The following MAGI2 variants were observed in gnomAD, a reference collection of about 807,000 sequenced individuals.
MAGI2 encodes membrane-associated guanylate kinase, WW and PDZ domain-containing protein 2.
MAGI2 carries 35 observed loss-of-function variants against 133.3 expected under a neutral mutation model. That is an observed-to-expected ratio of 0.26 (90% CI 0.20 to 0.35). The LOEUF (loss-of-function observed/expected upper bound fraction) is 0.35, where lower values mean the gene tolerates loss of function less well. MAGI2 is among the 10% of genes least tolerant of loss of function. The pLI is 1.00. For missense variants in MAGI2, 1,636 were observed against 1,863.4 expected, an observed-to-expected ratio of 0.88 and a Z score of 2.25; for synonymous variants, 729 against 710.6, an observed-to-expected ratio of 1.03 and a Z score of -0.41.
At chr7:78,955,073 GA>G (rs1273571518) in intron 2 of MAGI2, among the ~76,000 whole-genome samples, 4 of 151,400 alleles carry the variant, frequency 2.6e-5, no homozygotes, top group Admixed American at 1.3e-4. Context: ...ATGTTCAAAA[GA>G]AAAAAAATAC....
At chr7:79,438,719 T>C (rs906641624) in intron 1 of MAGI2, among the ~76,000 whole-genome samples, 7 of 152,060 alleles carry the variant, frequency 4.6e-5, no homozygotes, top group African/African-American at 9.7e-5. Context: ...TTCTTAAATA[T>C]GTTTCAAGCT....
chr7:78,294,643 T>G (rs537582098), intron 9 of MAGI2, among the ~76,000 whole-genome samples: 5 of 151,356 alleles, frequency 3.3e-5, no homozygotes, highest in Admixed American at 2.0e-4. Flanking sequence ...AGTAGTGCAC[T>G]ATCTATCTTG....
chr7:78,358,347 C>A (rs1179560117), intron 7 of MAGI2: 1 of 151,634 alleles, frequency 6.6e-6, no homozygotes, highest in Non-Finnish European at 1.5e-5. Flanking sequence ...GGCCACCCGG[C>A]AGCCATCTTG....
chr7:79,384,427 T>A (rs1196982553), intron 1 of MAGI2, among the ~76,000 whole-genome samples: 1 of 148,730 alleles, frequency 6.7e-6, no homozygotes, highest in African/African-American at 2.5e-5. Flanking sequence ...TGGGATATAC[T>A]TTTATAAAAG....
intron 1 of MAGI2, among the ~76,000 whole-genome samples, chr7:79,447,673 G>C (rs1848956789): frequency 6.6e-6 from 1 of 151,570 alleles, no homozygotes; most frequent in African/African-American, 2.4e-5. Flanking sequence ...TAGTACTATA[G>C]TACGTTAATA....
At chr7:79,365,975 G>T (rs556531756) in intron 1 of MAGI2, among the ~76,000 whole-genome samples, 1 of 151,220 alleles carries the variant, frequency 6.6e-6, no homozygotes, top group South Asian at 2.1e-4. Context: ...TGGTGCGATG[G>T]CTCAGGCCTT....
At chr7:78,764,256 A>G (rs537649370) in intron 2 of MAGI2, among the ~76,000 whole-genome samples, 4 of 152,172 alleles carry the variant, frequency 2.6e-5, no homozygotes, top group East Asian at 3.9e-4. Context: ...AGTGATCAAT[A>G]TTGCTAAAAC....
At chr7:78,876,204 T>A (rs895055953) in intron 2 of MAGI2, among the ~76,000 whole-genome samples, 9 of 150,910 alleles carry the variant, frequency 6.0e-5, no homozygotes, top group African/African-American at 2.0e-4. Flanking sequence ...GCACCTGTAA[T>A]CCCAGCTACT....
intron 2 of MAGI2, among the ~76,000 whole-genome samples, chr7:78,857,273 T>G (rs145932118): frequency 0.013 from 2,035 of 152,068 alleles, 30 homozygotes; most frequent in Middle Eastern, 0.027. Context: ...GCCCTGGCCA[T>G]AACTTCCAAC....
At chr7:78,874,964 T>A (rs191712662) in intron 2 of MAGI2, among the ~76,000 whole-genome samples, 215 of 152,030 alleles carry the variant, frequency 1.4e-3, no homozygotes, top group African/African-American at 4.7e-3. Flanking sequence ...CAAGCAGAAA[T>A]CAGAGATTTA....
intron 2 of MAGI2, among the ~76,000 whole-genome samples, chr7:78,903,342 C>T (rs1466212441): frequency 6.6e-6 from 1 of 151,648 alleles, no homozygotes; most frequent in Non-Finnish European, 1.5e-5. Context: ...TACAGGCGCC[C>T]GCTACCACGC....
intron 2 of MAGI2, among the ~76,000 whole-genome samples, chr7:78,646,480 TCTC>T (rs1290273827): frequency 2.6e-5 from 4 of 152,196 alleles, no homozygotes; most frequent in Admixed American, 2.0e-4. Context: ...GCATGTTTTC[TCTC>T]CTACCAGTGA....
intron 1 of MAGI2, among the ~76,000 whole-genome samples, chr7:79,355,258 C>T (rs1255965112): frequency 6.6e-6 from 1 of 152,030 alleles, no homozygotes; most frequent in Non-Finnish European, 1.5e-5. Flanking sequence ...CCCTGGGGAG[C>T]AAGGCTATGA....
chr7:78,594,737 T>A (rs1804417489), intron 3 of MAGI2, among the ~76,000 whole-genome samples: 1 of 152,180 alleles, frequency 6.6e-6, no homozygotes, highest in Admixed American at 6.5e-5. Flanking sequence ...ATTACAGGTG[T>A]GAGCCACTAC....
At chr7:78,088,524 T>G (rs991034063) in intron 20 of MAGI2, among the ~76,000 whole-genome samples, 5 of 152,176 alleles carry the variant, frequency 3.3e-5, no homozygotes, top group African/African-American at 1.2e-4. Flanking sequence ...GCAGGGTTAA[T>G]GCAATCAAAG....
chr7:79,329,679 G>A (rs181642681), intron 1 of MAGI2, among the ~76,000 whole-genome samples: 5 of 152,250 alleles, frequency 3.3e-5, no homozygotes, highest in African/African-American at 4.8e-5. Flanking sequence ...TTTAGATCCC[G>A]TCAACCAAAT....
intron 16 of MAGI2, among the ~76,000 whole-genome samples, chr7:78,157,136 GC>G (rs1300184708): frequency 6.6e-6 from 1 of 152,200 alleles, no homozygotes; most frequent in African/African-American, 2.4e-5. Flanking sequence ...GCTCCAGGAA[GC>G]TTTTAGGTGC....
At chr7:79,011,210 C>A (rs972227913) in intron 1 of MAGI2, 1 of 152,102 alleles carries the variant, frequency 6.6e-6, no homozygotes, top group African/African-American at 2.4e-5. Context: ...AACTGGGCTG[C>A]ATTTCTAAGG....
At chr7:78,163,707 T>C (rs368095675) in intron 15 of MAGI2, among the ~76,000 whole-genome samples, 15 of 151,622 alleles carry the variant, frequency 9.9e-5, no homozygotes, top group East Asian at 7.9e-4. Context: ...GAGATAGAGA[T>C]CATCCTGGCT....
Sources: gnomAD v4.1 joint callset for allele counts (sites outside exome capture counted in the v4.1 genomes callset) on GRCh38, gnomAD v4.1.1 for gene constraint, MANE v1.5 for transcripts, NCBI Gene and HGNC (gene_info 2026-07-23, HGNC 2026-07-21) for gene names.